The following LRP12 variants were observed in gnomAD, a reference collection of about 807,000 sequenced individuals.
The protein encoded by LRP12 is LDL receptor related protein 12.
LRP12 carries 14 observed loss-of-function variants against 66.0 expected under a neutral mutation model. The observed-to-expected ratio is 0.21, with a 90% CI of 0.14 to 0.33. LRP12 has a LOEUF of 0.33. Ranked by LOEUF, LRP12 falls within the 10% of genes least tolerant of loss-of-function variation. LRP12 has a pLI of 1.00. For synonymous variants in LRP12, 357 were observed against 359.1 expected (o/e 0.99, Z 0.07); for missense variants, 889 against 1,053.4 (o/e 0.84, Z 2.16).
chr8:104,520,971 C>T (rs1055072053), intron 2 of LRP12, among the ~76,000 whole-genome samples: 1 of 152,064 alleles, frequency 6.6e-6, no homozygotes, highest in Non-Finnish European at 1.5e-5. Flanking sequence ...ATGAACTTCA[C>T]TTCTACCATC....
chr8:104,490,581 T>C lies in LRP12; in HGVS notation c.*92A>G. The C allele has an allele frequency of 7.0e-7, 1 of 1,435,908 alleles. No individual in the cohort carries two copies. Among genetic ancestry groups the C allele is most frequent in the East Asian group, 2.3e-5 (1 of 43,538 alleles). The allele number at this position is 1,435,908 out of a possible 1,614,324, so 88.9% of individuals were successfully genotyped here. A position where few individuals can be genotyped will look rare whatever the true frequency, so the allele number is the denominator to read the frequency against. On this transcript the variant is annotated 3_prime_UTR_variant, in exon 7 of 7. Coordinates refer to ENST00000276654, the MANE Select transcript of LRP12 (RefSeq NM_013437.5). ...TAAGAAATCACCCTGCATTTTTTCTTTTTAAACTAAAACTAGTTTAACTGT... is the reference window on the plus strand; with the variant it reads ...TAAGAAATCACCCTGCATTTTTTCTCTTTAAACTAAAACTAGTTTAACTGT...
chr8:104,517,205 A>G lies in LRP12; in HGVS notation c.137-8131T>C, dbSNP rs970207215. ...AATATGACAGCATACCAGATAATAC[A>G]GTACATGATTTAATGCATAACAAGT... On this transcript the variant is annotated intron_variant, in intron 2 of 6. Transcript: ENST00000276654. Among the ~76,000 whole-genome samples, 7 of 150,462 alleles carry G rather than the reference A, an allele frequency of 4.7e-5. No homozygotes were observed. The Admixed American group carries it at 4.7e-4, about 10-fold the overall frequency.
At position 104,490,009 on chromosome 8, in the gene LRP12, T is replaced by C. The variant is rs1412657844; in HGVS notation, c.*664A>G. The stretch of plus-strand genomic sequence containing the variant: ...GGATTTTACCATTTGGTTTGTACCA[T>C]GTTAGAGTATTAAAGTCAACATTAG... On this transcript the variant is annotated 3_prime_UTR_variant, in exon 7 of 7. Transcript: ENST00000276654. 1.3e-5 allele frequency: 2 copies of C among 152,796 alleles called. No individual in the cohort carries two copies. The highest frequency in any genetic ancestry group is 3.9e-4 in the East Asian group (2 of 5,184). The allele number at this position is 152,796 out of a possible 1,614,324, so 9.5% of individuals were successfully genotyped here.
At chr8:104,533,228 CTTT>C (rs1223201990) in intron 1 of LRP12, among the ~76,000 whole-genome samples, 1 of 152,072 alleles carries the variant, frequency 6.6e-6, no homozygotes, top group Non-Finnish European at 1.5e-5. Context: ...GGCACAATTT[CTTT>C]TTCTCATTTA....
intron 1 of LRP12, among the ~76,000 whole-genome samples, chr8:104,578,880 C>T (rs1452317572): frequency 6.6e-6 from 1 of 152,112 alleles, no homozygotes; most frequent in East Asian, 1.9e-4. Flanking sequence ...CTCCACACCC[C>T]TTCATATTAA....
chr8:104,521,524 G>A (rs535713640), intron 2 of LRP12, among the ~76,000 whole-genome samples: 3 of 151,198 alleles, frequency 2.0e-5, no homozygotes, highest in Admixed American at 6.6e-5. Flanking sequence ...AAGGGAGTTC[G>A]CTACTTTAAA....
chr8:104,588,419 C>A (rs954030028), intron 1 of LRP12, among the ~76,000 whole-genome samples: 1 of 152,034 alleles, frequency 6.6e-6, no homozygotes, highest in Non-Finnish European at 1.5e-5. Context: ...GGGGAAGGAC[C>A]GTCCCGGCAG....
At chr8:104,546,436 TA>T (rs1169080974) in intron 1 of LRP12, among the ~76,000 whole-genome samples, 31 of 152,272 alleles carry the variant, frequency 2.0e-4, no homozygotes, top group African/African-American at 7.2e-4. Context: ...GGACAACCAC[TA>T]ATCACAGTCA....
chr8:104,533,573 T>C lies in LRP12; in HGVS notation c.80-1610A>G, dbSNP rs144482195. Among the ~76,000 whole-genome samples, 914 of 152,276 alleles carry C rather than the reference T, an allele frequency of 6.0e-3. 9 individuals carry two copies. The highest frequency in any genetic ancestry group is 0.012 in the Admixed American group (190 of 15,258). On this transcript the variant is annotated intron_variant, in intron 1 of 6. Coordinates refer to ENST00000276654, the MANE Select transcript of LRP12 (RefSeq NM_013437.5). ...TGGCAAGGTTTGGGCTTAAATCTTC[T>C]ACTTCTATATTATACATTGCTACAA...
chr8:104,530,308 G>T (rs1811306408), intron 2 of LRP12, among the ~76,000 whole-genome samples: 1 of 152,088 alleles, frequency 6.6e-6, no homozygotes, highest in African/African-American at 2.4e-5. Context: ...CTCCCAATGT[G>T]ACTGTATTTG....
intron 2 of LRP12, among the ~76,000 whole-genome samples, chr8:104,521,714 T>C (rs1443838538): frequency 6.6e-6 from 1 of 151,768 alleles, no homozygotes; most frequent in Non-Finnish European, 1.5e-5. Flanking sequence ...TGTTTTTATA[T>C]TCTGAAATCC....
intron 3 of LRP12, chr8:104,507,581 G>A (rs1810928257): frequency 6.6e-6 from 1 of 152,046 alleles, no homozygotes. Context: ...CCCAATATGT[G>A]GTAAAAATGT....
Position 104,498,092 on chromosome 8 carries a change from T to C in LRP12, c.476-16A>G, listed in dbSNP as rs750285321. On this transcript the variant is annotated splice_polypyrimidine_tract_variant and intron_variant, in intron 4 of 6. Transcript: ENST00000276654. ...TCAGATTTCCCTGTGAAGATGTGAGTAGAAATAGATGGAAAGAGAAGGAGA... is the reference window on the plus strand; with the variant it reads ...TCAGATTTCCCTGTGAAGATGTGAGCAGAAATAGATGGAAAGAGAAGGAGA... 5.2e-6 allele frequency: 8 copies of C among 1,545,734 alleles called. No homozygotes were observed. The highest frequency in any genetic ancestry group is 2.8e-5 in the African/African-American group (2 of 72,264).
chr8:104,565,588 G>A (rs377205392), intron 1 of LRP12, among the ~76,000 whole-genome samples: 16 of 152,018 alleles, frequency 1.1e-4, no homozygotes, highest in Non-Finnish European at 1.8e-4. Context: ...GGCCGGGCGC[G>A]GTGGCTCACG....
chr8:104,575,206 A>C (rs1435118849), intron 1 of LRP12, among the ~76,000 whole-genome samples: 1 of 152,208 alleles, frequency 6.6e-6, no homozygotes, highest in African/African-American at 2.4e-5. Context: ...GAAGGAATCC[A>C]GATCCACCAG....
At chr8:104,512,901 C>G (rs1272041414) in intron 2 of LRP12, among the ~76,000 whole-genome samples, 1 of 152,104 alleles carries the variant, frequency 6.6e-6, no homozygotes, top group Non-Finnish European at 1.5e-5. Flanking sequence ...ACTTTTATAA[C>G]ATTATTTTAA....
intron 1 of LRP12, among the ~76,000 whole-genome samples, chr8:104,558,245 CAAAA>C (rs1383204511): frequency 6.6e-6 from 1 of 151,258 alleles, no homozygotes; most frequent in Non-Finnish European, 1.5e-5. Flanking sequence ...AACAAACAAA[CAAAA>C]AGGCACGTAG....
At chr8:104,495,027 A>G in intron 6 of LRP12, 50 bp downstream of exon 6, 1 of 1,564,406 alleles carries the variant, frequency 6.4e-7, no homozygotes, top group South Asian at 1.2e-5. Flanking sequence ...ATACAGGCGC[A>G]GATTTCATTT....
intron 2 of LRP12, among the ~76,000 whole-genome samples, chr8:104,518,788 AATTATGGGTAAG>A (rs1178996765): frequency 3.9e-5 from 6 of 152,052 alleles, no homozygotes; most frequent in Non-Finnish European, 7.4e-5. Context: ...ACATATAGTT[AATTATGGGTAAG>A]ATGCTTAGGG....
Sources: allele counts gnomAD v4.1 joint callset (sites outside exome capture counted in the v4.1 genomes callset), GRCh38; gene constraint gnomAD v4.1.1; transcripts MANE v1.5; gene names NCBI Gene and HGNC (gene_info 2026-07-23, HGNC 2026-07-21).